Variants in PTPRM observed in about 807,000 individuals in gnomAD.
The protein encoded by PTPRM is protein tyrosine phosphatase receptor type M, also known as receptor-type tyrosine-protein phosphatase mu.
In PTPRM, 47 loss-of-function variants were observed where a neutral mutation model predicts 186.7. The observed-to-expected ratio is 0.25, with a 90% confidence interval of 0.20 to 0.32. The LOEUF (loss-of-function observed/expected upper bound fraction) is 0.32, where lower values mean the gene tolerates loss of function less well. Ranked by LOEUF, PTPRM falls within the 10% of genes least tolerant of loss-of-function variation. PTPRM has a pLI of 1.00. For synonymous variants in PTPRM, 668 were observed against 674.9 expected, an observed-to-expected ratio of 0.99 and a Z score of 0.16; for missense variants, 1,494 against 1,865.0, an observed-to-expected ratio of 0.80 and a Z score of 3.66.
chr18:8,061,365 G>A (rs1284159416), intron 7 of PTPRM, among the ~76,000 whole-genome samples: 1 of 139,404 alleles, frequency 7.2e-6, no homozygotes, highest in Admixed American at 7.2e-5. Flanking sequence ...CACGTGAGAT[G>A]GGTTTCCTGA....
At chr18:7,841,281 C>CT (rs34688860) in intron 2 of PTPRM, among the ~76,000 whole-genome samples, 3,608 of 70,216 alleles carry the variant, frequency 0.051, 979 homozygotes, top group African/African-American at 0.13. Flanking sequence ...CAAATCATTT[C>CT]TTTTTTTTTT....
intron 5 of PTPRM, among the ~76,000 whole-genome samples, chr18:7,932,630 A>G (rs550383912): frequency 4.6e-5 from 7 of 152,202 alleles, no homozygotes; most frequent in Admixed American, 3.3e-4. Context: ...TTGCATCTCA[A>G]ATATTAGCCT....
rs867642947 is a variant in PTPRM at position 8,289,593 on chromosome 18, T to C, written c.2755-6775T>C. 4.6e-4 allele frequency among the ~76,000 whole-genome samples: 58 copies of C among 126,356 alleles called. 3 individuals carry two copies. The highest frequency in any genetic ancestry group is 1.6e-3 in the African/African-American group (42 of 26,906). The allele number at this position is 126,356 out of a possible 152,430, so 82.9% of individuals were successfully genotyped here. On this transcript the variant is annotated intron_variant, in intron 19 of 32. Coordinates refer to ENST00000580170, the MANE Select transcript of PTPRM (RefSeq NM_001105244.2). ...ATATATATACATATATATATACACATATATATATACACACATATATATATA... is the reference window on the plus strand; with the variant it reads ...ATATATATACATATATATATACACACATATATATACACACATATATATATA...
chr18:8,175,842 C>T lies in PTPRM; in HGVS notation c.2300+32063C>T, dbSNP rs1048897512. Reference sequence around the variant, plus strand: ...TATTTTAGCGTGAGAATTGTCTCACCGGCAGAGAATTAGGTTTTCTTGCTG... The same window carrying T: ...TATTTTAGCGTGAGAATTGTCTCACTGGCAGAGAATTAGGTTTTCTTGCTG... On this transcript the variant is annotated intron_variant, in intron 14 of 32. Coordinates refer to ENST00000580170, the MANE Select transcript of PTPRM (RefSeq NM_001105244.2). Among the ~76,000 whole-genome samples the T allele has an allele frequency of 3.9e-4, 60 of 152,238 alleles. 2 individuals are homozygous for T. The highest frequency in any genetic ancestry group is 3.4e-3 in the Middle Eastern group (1 of 294).
chr18:7,962,294 T>C (rs2053735790), intron 7 of PTPRM, among the ~76,000 whole-genome samples: 1 of 152,182 alleles, frequency 6.6e-6, no homozygotes, highest in African/African-American at 2.4e-5. Flanking sequence ...AACATATATA[T>C]ACATATGGAG....
chr18:7,952,083 A>G (rs930973593), intron 6 of PTPRM, among the ~76,000 whole-genome samples: 40 of 152,196 alleles, frequency 2.6e-4, no homozygotes, highest in Non-Finnish European at 5.9e-5. Context: ...ATGCATGTAT[A>G]TATGCATATA....
intron 19 of PTPRM, 47 bp from the exon 20 acceptor site, chr18:8,296,321 C>G (rs1438389152): frequency 8.0e-7 from 1 of 1,244,268 alleles, no homozygotes; most frequent in South Asian, 1.2e-5. Flanking sequence ...TAAGATCCCT[C>G]TGTTTACTGC....
intron 5 of PTPRM, among the ~76,000 whole-genome samples, chr18:7,930,137 C>T (rs1471439549): frequency 2.6e-5 from 4 of 151,996 alleles, no homozygotes; most frequent in Non-Finnish European, 4.4e-5. Context: ...GGCATGATCT[C>T]GGCTCACTGC....
chr18:8,006,427 G>A lies in PTPRM; in HGVS notation c.1132+51013G>A, dbSNP rs551912855. ...AGGAAGCATTTGCATATTACATTAT[G>A]AGGCTTCCTTTCTGGCCTTCCTGTG... On this transcript the variant is annotated intron_variant, in intron 7 of 32. Transcript: ENST00000580170. Among the ~76,000 whole-genome samples, 13 of 152,254 alleles carry A rather than the reference G, an allele frequency of 8.5e-5. No homozygotes were observed. The East Asian group carries it at 2.3e-3, about 27-fold the overall frequency.
chr18:8,130,861 C>G (rs1311358599), intron 13 of PTPRM, among the ~76,000 whole-genome samples: 1 of 152,206 alleles, frequency 6.6e-6, no homozygotes, highest in East Asian at 1.9e-4. Flanking sequence ...CTCTTGATCT[C>G]TCAACATCTC....
intron 31 of PTPRM, among the ~76,000 whole-genome samples, chr18:8,388,639 C>A (rs995651925): frequency 6.6e-6 from 1 of 152,198 alleles, no homozygotes; most frequent in South Asian, 2.1e-4. Context: ...TGTCATCCCC[C>A]CTTTCTTCTC....
intron 23 of PTPRM, among the ~76,000 whole-genome samples, chr18:8,347,593 C>A (rs572274741): frequency 6.6e-6 from 1 of 152,230 alleles, no homozygotes; most frequent in African/African-American, 2.4e-5. Context: ...GGTCGCTGTT[C>A]CTTCCATCAG....
At chr18:8,267,940 ATCTT>A (rs1197454098) in intron 19 of PTPRM, among the ~76,000 whole-genome samples, 1 of 152,164 alleles carries the variant, frequency 6.6e-6, no homozygotes. Context: ...TATCCTTTGC[ATCTT>A]TACCCACTAG....
At chr18:8,025,140 G>A (rs2085489020) in intron 7 of PTPRM, among the ~76,000 whole-genome samples, 1 of 152,282 alleles carries the variant, frequency 6.6e-6, no homozygotes, top group East Asian at 1.9e-4. Context: ...GACCCAAAAT[G>A]TGCATTTTTT....
At chr18:7,644,191 A>G (rs2038508353) in intron 1 of PTPRM, among the ~76,000 whole-genome samples, 1 of 152,184 alleles carries the variant, frequency 6.6e-6, no homozygotes, top group South Asian at 2.1e-4. Context: ...CTTTTGCAAA[A>G]TGAGAAATGA....
chr18:7,826,034 G>C (rs1037515034), intron 2 of PTPRM, among the ~76,000 whole-genome samples: 1 of 152,114 alleles, frequency 6.6e-6, no homozygotes, highest in African/African-American at 2.4e-5. Context: ...GCACCTTGTT[G>C]CTTGTCCTCA....
chr18:7,969,334 A>G (rs1238579546), intron 7 of PTPRM, among the ~76,000 whole-genome samples: 1 of 137,680 alleles, frequency 7.3e-6, no homozygotes, highest in African/African-American at 2.9e-5. Context: ...TTATAGCACT[A>G]AATGCCTACA....
intron 23 of PTPRM, 27 bp downstream of exon 23, chr18:8,343,547 C>T: frequency 6.3e-7 from 1 of 1,597,676 alleles, no homozygotes; most frequent in Non-Finnish European, 8.6e-7. Context: ...CTGCAAATGG[C>T]CATTTTGTTC....
At chr18:7,610,628 C>G (rs1302694854) in intron 1 of PTPRM, among the ~76,000 whole-genome samples, 1 of 152,168 alleles carries the variant, frequency 6.6e-6, no homozygotes, top group Non-Finnish European at 1.5e-5. Flanking sequence ...TGAAAACTTC[C>G]TATTGCCCAA....
Sources: gnomAD v4.1 joint callset for allele counts (sites outside exome capture counted in the v4.1 genomes callset) on GRCh38, gnomAD v4.1.1 for gene constraint, MANE v1.5 for transcripts, NCBI Gene and HGNC (gene_info 2026-07-23, HGNC 2026-07-21) for gene names.